Variants in SCAPER observed in about 807,000 individuals in gnomAD.
The protein encoded by SCAPER is S-phase cyclin A associated protein in the ER, also known as S phase cyclin A-associated protein in the endoplasmic reticulum.
In SCAPER, 98 loss-of-function variants were observed where a neutral mutation model predicts 182.2. The ratio of observed to expected loss-of-function variants is 0.54; its 90% CI spans 0.46 to 0.64. The LOEUF is 0.64. Ranked by LOEUF, SCAPER falls within the 30% of genes least tolerant of loss-of-function variation. The pLI, the probability that SCAPER is intolerant of heterozygous loss-of-function variation, is 0.00. For missense variants in SCAPER, 1,432 were observed against 1,690.0 expected (o/e 0.85, Z 2.68); for synonymous variants, 605 against 564.6 (o/e 1.07, Z -1.01).
chr15:76,834,402 A>C (rs1392437595), intron 5 of SCAPER, among the ~76,000 whole-genome samples: 1 of 152,202 alleles, frequency 6.6e-6, no homozygotes, highest in Non-Finnish European at 1.5e-5. Flanking sequence ...AGTTAGAAAG[A>C]TCTAAAATTA....
At chr15:76,526,236 T>A (rs1229459435) in intron 23 of SCAPER, among the ~76,000 whole-genome samples, 2 of 152,218 alleles carry the variant, frequency 1.3e-5, no homozygotes, top group Non-Finnish European at 2.9e-5. Flanking sequence ...CTTCATTTTG[T>A]CTTCATTCTT....
chr15:76,461,746 T>G (rs925970824), intron 25 of SCAPER, among the ~76,000 whole-genome samples: 1 of 152,164 alleles, frequency 6.6e-6, no homozygotes. Flanking sequence ...TTGCCTTAAC[T>G]CTTGAAAATA....
intron 5 of SCAPER, among the ~76,000 whole-genome samples, chr15:76,836,896 G>A (rs1426098561): frequency 6.6e-6 from 1 of 151,768 alleles, no homozygotes; most frequent in Non-Finnish European, 1.5e-5. Flanking sequence ...AGAAAGAAAA[G>A]AAAAGTAATT....
intron 23 of SCAPER, among the ~76,000 whole-genome samples, chr15:76,571,963 G>A (rs1039296317): frequency 5.3e-5 from 8 of 152,116 alleles, no homozygotes; most frequent in Non-Finnish European, 1.0e-4. Flanking sequence ...GTAGCAAAAG[G>A]ATCTTATTGT....
At chr15:76,430,699 G>T (rs1008025427) in intron 26 of SCAPER, among the ~76,000 whole-genome samples, 4 of 152,190 alleles carry the variant, frequency 2.6e-5, no homozygotes, top group African/African-American at 9.6e-5. Flanking sequence ...GATTTTACAG[G>T]CTCACAGGCA....
rs1446202044 is a variant in SCAPER, at chr15:76,603,564, G to A, written c.2711+18200C>T. On this transcript the variant is annotated intron_variant, in intron 22 of 31. Transcript: ENST00000563290. The stretch of plus-strand genomic sequence containing the variant: ...ATGTACCCAGTGATGGGATGGCTGG[G>A]TCAAATGGTTTTCTAGTTCTAGATC... 4.0e-4 allele frequency among the ~76,000 whole-genome samples: 49 copies of A among 121,842 alleles called. 18 individuals are homozygous for A. Among genetic ancestry groups the A allele is most frequent in the Non-Finnish European group, 8.0e-4 (40 of 50,216 alleles). 79.9% of individuals were successfully genotyped at this position (121,842 alleles called of 152,430 possible).
intron 21 of SCAPER, among the ~76,000 whole-genome samples, chr15:76,661,080 A>T (rs965977967): frequency 6.6e-6 from 1 of 152,206 alleles, no homozygotes; most frequent in African/African-American, 2.4e-5. Flanking sequence ...TGGAAGACCC[A>T]ATACAATACT....
chr15:76,661,556 C>T (rs1034753081), intron 21 of SCAPER, among the ~76,000 whole-genome samples: 6 of 152,088 alleles, frequency 3.9e-5, no homozygotes, highest in South Asian at 4.2e-4. Context: ...GATATTTATG[C>T]GGCCAGCAAA....
chr15:76,588,642 G>A (rs1245354628), intron 22 of SCAPER, among the ~76,000 whole-genome samples: 2 of 152,074 alleles, frequency 1.3e-5, no homozygotes, highest in African/African-American at 2.4e-5. Flanking sequence ...TTGTGCTGTT[G>A]GTTGCCTGTA....
At chr15:76,710,492 C>A (rs1383876661) in intron 17 of SCAPER, among the ~76,000 whole-genome samples, 1 of 151,908 alleles carries the variant, frequency 6.6e-6, no homozygotes, top group Non-Finnish European at 1.5e-5. Flanking sequence ...TACATACTAG[C>A]AAGAAAAATC....
At chr15:76,841,540 A>C (rs1568308295) in intron 5 of SCAPER, among the ~76,000 whole-genome samples, 194 bp downstream of exon 5, 1 of 152,046 alleles carries the variant, frequency 6.6e-6, no homozygotes, top group African/African-American at 2.4e-5. Flanking sequence ...CCAGCTACTC[A>C]GGAGGCTAAG....
At chr15:76,381,886 T>C (rs961193433) in intron 27 of SCAPER, among the ~76,000 whole-genome samples, 1 of 152,152 alleles carries the variant, frequency 6.6e-6, no homozygotes, top group Non-Finnish European at 1.5e-5. Flanking sequence ...TCCCACACTT[T>C]ATAGCCTACA....
chr15:76,676,616 GCAGT>G (rs1272621500), intron 20 of SCAPER, among the ~76,000 whole-genome samples: 2 of 151,932 alleles, frequency 1.3e-5, no homozygotes, highest in East Asian at 1.9e-4. Context: ...CAAAATATCA[GCAGT>G]AAGAAATTGA....
intron 23 of SCAPER, among the ~76,000 whole-genome samples, chr15:76,556,602 A>G (rs1055481988): frequency 6.6e-6 from 1 of 152,232 alleles, no homozygotes; most frequent in Non-Finnish European, 1.5e-5. Context: ...GAACACCTCT[A>G]TGCACACAAA....
At position 76,479,917 on chromosome 15, in the gene SCAPER, T is replaced by C. The variant is rs544721390; in HGVS notation, c.2955-8582A>G. On this transcript the variant is annotated intron_variant, in intron 24 of 31. Transcript: ENST00000563290. ...GCTTTAAGTTCTGGCACAGTAAAAT[T>C]CTGTGCCAAGTAGGGATAGCAAGTA... 1.2e-4 allele frequency among the ~76,000 whole-genome samples: 19 copies of C among 152,348 alleles called. No individual in the cohort carries two copies. The South Asian group carries it at 3.7e-3, about 30-fold the overall frequency.
chr15:76,731,673 TCTGA>T (rs780932907), intron 16 of SCAPER, among the ~76,000 whole-genome samples: 9 of 152,356 alleles, frequency 5.9e-5, no homozygotes, highest in Middle Eastern at 3.4e-3. Context: ...AGTGGATTTT[TCTGA>T]CTATCTATCT....
At chr15:76,608,185 A>T (rs1484032558) in intron 22 of SCAPER, among the ~76,000 whole-genome samples, 1 of 151,786 alleles carries the variant, frequency 6.6e-6, no homozygotes, top group Non-Finnish European at 1.5e-5. Context: ...TGACGTACAG[A>T]TGGGTTTTTG....
chr15:76,425,808 T>C (rs2046385130), intron 26 of SCAPER, among the ~76,000 whole-genome samples: 1 of 152,100 alleles, frequency 6.6e-6, no homozygotes, highest in South Asian at 2.1e-4. Context: ...TGGATGTCCT[T>C]TGTTTGTTAG....
chr15:76,739,589 C>T (rs280026), intron 15 of SCAPER, among the ~76,000 whole-genome samples: 6,731 of 152,174 alleles, frequency 0.044, 326 homozygotes, highest in African/African-American at 0.12. Flanking sequence ...GATTTACGTC[C>T]GGGACATAAC....
Sources: gnomAD v4.1 joint callset for allele counts (sites outside exome capture counted in the v4.1 genomes callset) on GRCh38, gnomAD v4.1.1 for gene constraint, MANE v1.5 for transcripts, NCBI Gene and HGNC (gene_info 2026-07-23, HGNC 2026-07-21) for gene names.